Variants in GALNT13 observed in about 807,000 individuals in gnomAD.
The protein encoded by GALNT13 is polypeptide N-acetylgalactosaminyltransferase 13.
GALNT13 carries 28 observed loss-of-function variants against 64.2 expected under a neutral mutation model. The ratio of observed to expected loss-of-function variants is 0.44; its 90% CI spans 0.32 to 0.60. The LOEUF is 0.60. Among genes scored for constraint, GALNT13 ranks in the 20% least tolerant of loss-of-function variants. The probability of loss-of-function intolerance (pLI) is 0.05; values close to 1 mark genes in which losing one functional copy is unlikely to be tolerated. For synonymous variants in GALNT13, 214 were observed against 224.6 expected (o/e 0.95, Z 0.42); for missense variants, 577 against 669.8 (o/e 0.86, Z 1.53).
the GALNT13 span, among the ~76,000 whole-genome samples, chr2:153,271,274 A>G: frequency 4.6e-5 from 7 of 152,330 alleles, no homozygotes; most frequent in Admixed American, 1.3e-4. Context: ...GGCTAGGGCA[A>G]TCAGACAAGA....
intron 3 of GALNT13, among the ~76,000 whole-genome samples, chr2:154,113,414 G>A (rs983272813): frequency 6.6e-6 from 1 of 152,236 alleles, no homozygotes; most frequent in Non-Finnish European, 1.5e-5. Context: ...ATGGCCCAGA[G>A]TAACAAAGCC....
At chr2:153,392,026 ATAAT>A in the GALNT13 span, among the ~76,000 whole-genome samples, 4 of 148,562 alleles carry the variant, frequency 2.7e-5, no homozygotes, top group Non-Finnish European at 5.9e-5. Context: ...ATATGTTTAT[ATAAT>A]ATATGTGATT....
the GALNT13 span, among the ~76,000 whole-genome samples, chr2:153,330,159 T>G: frequency 3.3e-5 from 5 of 152,218 alleles, no homozygotes; most frequent in Non-Finnish European, 5.9e-5. Flanking sequence ...ACCAGCCAAC[T>G]GCCATTTTTG....
At chr2:153,616,278 C>G in the GALNT13 span, among the ~76,000 whole-genome samples, 2,690 of 151,818 alleles carry the variant, frequency 0.018, 41 homozygotes, top group South Asian at 0.051. Flanking sequence ...CTATTCTGTT[C>G]CATTGGTTTA....
chr2:153,368,222 G>C, the GALNT13 span, among the ~76,000 whole-genome samples: 1 of 152,066 alleles, frequency 6.6e-6, no homozygotes, highest in Non-Finnish European at 1.5e-5. Context: ...TAGGAGGTGG[G>C]GCCTTTGGGA....
chr2:153,220,069 C>G, the GALNT13 span, among the ~76,000 whole-genome samples: 1 of 152,184 alleles, frequency 6.6e-6, no homozygotes, highest in South Asian at 2.1e-4. Context: ...TTTTGATGAT[C>G]AAACTATCAA....
the GALNT13 span, among the ~76,000 whole-genome samples, chr2:153,271,218 G>C: frequency 6.6e-6 from 1 of 152,140 alleles, no homozygotes; most frequent in Non-Finnish European, 1.5e-5. Context: ...ACAAGACAAA[G>C]ATGCCCTCTC....
intron 9 of GALNT13, among the ~76,000 whole-genome samples, chr2:154,339,466 TAATAAG>T (rs1460086994): frequency 6.6e-6 from 1 of 152,164 alleles, no homozygotes; most frequent in East Asian, 1.9e-4. Flanking sequence ...CACCCTCTGT[TAATAAG>T]AACTGTGTTG....
At chr2:154,421,653 G>A (rs1700257491) in intron 11 of GALNT13, among the ~76,000 whole-genome samples, 2 of 151,964 alleles carry the variant, frequency 1.3e-5, no homozygotes, top group South Asian at 2.1e-4. Context: ...ATTGAAATAT[G>A]TCTAATACTT....
the GALNT13 span, among the ~76,000 whole-genome samples, chr2:153,583,610 G>A: frequency 2.0e-5 from 3 of 152,220 alleles, no homozygotes; most frequent in Admixed American, 1.3e-4. Context: ...TCTGGGCCAC[G>A]GGATAGCATA....
At chr2:153,588,110 C>G in the GALNT13 span, among the ~76,000 whole-genome samples, 3 of 152,194 alleles carry the variant, frequency 2.0e-5, no homozygotes, top group East Asian at 5.8e-4. Context: ...ACAGCTCTGC[C>G]CCTGTGGCTT....
At chr2:154,322,685 A>G (rs1051344452) in intron 9 of GALNT13, among the ~76,000 whole-genome samples, 1 of 152,058 alleles carries the variant, frequency 6.6e-6, no homozygotes, top group African/African-American at 2.4e-5. Context: ...TCTTGGTTCT[A>G]GTTTTCTCTT....
chr2:154,419,136 A>G (rs766842810), intron 11 of GALNT13, among the ~76,000 whole-genome samples: 18 of 152,278 alleles, frequency 1.2e-4, no homozygotes, highest in Non-Finnish European at 2.2e-4. Context: ...ATTTTATCCA[A>G]TAATTGAGCA....
rs1269317223 is a variant in GALNT13, at chr2:153,957,468, AACTT to A, written c.142+12834_142+12837del. On this transcript the variant is annotated intron_variant, in intron 3 of 12. Coordinates refer to ENST00000392825, the MANE Select transcript of GALNT13 (RefSeq NM_052917.4). ...GGACAATGGTCCAAGACTTCCAGTA[AACTT>A]ACTTGAGTAAGACAGTTTGTGGGGG... 1.9e-4 allele frequency among the ~76,000 whole-genome samples: 29 copies of A among 152,344 alleles called. No homozygotes were observed. The South Asian group carries it at 4.1e-3, about 22-fold the overall frequency.
At chr2:153,517,350 T>A in the GALNT13 span, among the ~76,000 whole-genome samples, 81 of 152,258 alleles carry the variant, frequency 5.3e-4, 1 homozygote, top group East Asian at 0.013. Flanking sequence ...TGCTCTGAGT[T>A]AAGAATTACT....
chr2:153,392,965 T>TA, the GALNT13 span, among the ~76,000 whole-genome samples: 15 of 152,008 alleles, frequency 9.9e-5, no homozygotes, highest in African/African-American at 2.9e-4. Flanking sequence ...GCAACATCTG[T>TA]AAAAAAAGAG....
At chr2:153,681,243 C>T in the GALNT13 span, among the ~76,000 whole-genome samples, 1 of 151,808 alleles carries the variant, frequency 6.6e-6, no homozygotes, top group Admixed American at 6.6e-5. Context: ...TGATACCTTC[C>T]AGTAGTTAGC....
Position 154,142,283 on chromosome 2 carries a change from C to T in GALNT13, c.311+1778C>T, listed in dbSNP as rs185974270. The stretch of plus-strand genomic sequence containing the variant: ...TGAAAACCTTGGCTGGGCTTGGTGG[C>T]TCATGCCTGTAATCCTAGCACTTTA... On this transcript the variant is annotated intron_variant, in intron 4 of 12. Transcript: ENST00000392825. Among the ~76,000 whole-genome samples the T allele has an allele frequency of 1.2e-3, 185 of 152,052 alleles. 2 individuals are homozygous for T. The highest frequency in any genetic ancestry group is 4.4e-3 in the African/African-American group (183 of 41,488).
At chr2:153,674,009 T>G in the GALNT13 span, among the ~76,000 whole-genome samples, 1 of 152,172 alleles carries the variant, frequency 6.6e-6, no homozygotes, top group African/African-American at 2.4e-5. Context: ...GTGAAGGTCC[T>G]CTTCAAGGAG....
Sources: gnomAD v4.1 joint callset for allele counts (sites outside exome capture counted in the v4.1 genomes callset) on GRCh38, gnomAD v4.1.1 for gene constraint, MANE v1.5 for transcripts, NCBI Gene and HGNC (gene_info 2026-07-23, HGNC 2026-07-21) for gene names.